Variants in LIFR observed in about 807,000 individuals in gnomAD.
LIFR encodes the protein leukemia inhibitory factor receptor.
Under a neutral mutation model 122.2 loss-of-function variants are expected in LIFR, and 84 were observed. The observed-to-expected ratio is 0.69, with a 90% CI of 0.58 to 0.82. LIFR has a LOEUF of 0.82. LIFR is among the 40% of genes least tolerant of loss of function. LIFR has a pLI of 0.00. For missense variants in LIFR, 1,294 were observed against 1,311.6 expected, an observed-to-expected ratio of 0.99 and a Z score of 0.21; for synonymous variants, 422 against 434.7, an observed-to-expected ratio of 0.97 and a Z score of 0.36.
At chr5:38,494,588 G>C (rs1744780370) in intron 13 of LIFR, among the ~76,000 whole-genome samples, 1 of 152,164 alleles carries the variant, frequency 6.6e-6, no homozygotes. Context: ...TGAAGAATTG[G>C]GGTAGAAGAT....
In LIFR at chr5:38,493,766, T is replaced by G; in HGVS notation, c.1905A>C (p.Gln635His). The change falls in exon 14 of 20, where the codon CAA becomes CAC. Residue 635 changes from glutamine (Q) to histidine (H), a missense_variant. Gln to His is a conservative substitution (Grantham distance 24). Coordinates refer to ENST00000453190, the MANE Select transcript of LIFR (RefSeq NM_001127671.2). ...EIPNDDLKIEQVVGMGKGILL... is the reference protein window; with the variant it reads ...EIPNDDLKIEHVVGMGKGILL... Reference sequence around the variant, plus strand: ...GAATCCCCTTTCCCATCCCAACAACTTGTTCTATTTTGAGATCATCTTCAA... The same window carrying G: ...GAATCCCCTTTCCCATCCCAACAACGTGTTCTATTTTGAGATCATCTTCAA... The G allele has an allele frequency of 6.2e-7, 1 of 1,614,062 alleles. No individual in the cohort carries two copies. Among genetic ancestry groups the G allele is most frequent in the Non-Finnish European group, 8.5e-7 (1 of 1,179,934 alleles).
chr5:38,576,778 C>T (rs868086662), intron 1 of LIFR, among the ~76,000 whole-genome samples: 2 of 152,134 alleles, frequency 1.3e-5, no homozygotes, highest in African/African-American at 2.4e-5. Flanking sequence ...TAATCAAGTA[C>T]GTATTATTTC....
At chr5:38,498,562 C>T (rs1419778055) in intron 12 of LIFR, among the ~76,000 whole-genome samples, 1 of 152,148 alleles carries the variant, frequency 6.6e-6, no homozygotes, top group Non-Finnish European at 1.5e-5. Flanking sequence ...ATAATTTCTA[C>T]CCGAACACAC....
At chr5:38,565,589 T>C (rs1255171380) in intron 1 of LIFR, among the ~76,000 whole-genome samples, 1 of 144,128 alleles carries the variant, frequency 6.9e-6, no homozygotes, top group African/African-American at 2.5e-5. Context: ...ATTGTTGATT[T>C]TTTTTTTTTT....
intron 2 of LIFR, 152 bp from the exon 3 acceptor site, chr5:38,528,992 T>C: frequency 1.6e-6 from 1 of 630,670 alleles, no homozygotes; most frequent in Admixed American, 2.8e-5. Flanking sequence ...TTTTTTTTTT[T>C]TTCAAAGAGA....
At position 38,496,505 on chromosome 5, in the gene LIFR, G is replaced by A. The variant is rs1002035204; in HGVS notation, c.1762C>T (p.Pro588Ser). ...ATCTCTGCTTTGTGCTGAGGATCAG[G>A]GATTTCAGAAAGGGACTGTGTTTCC... is the stretch of plus-strand genomic sequence containing the variant. ...DEETQSLSEI[P>S]DPQHKAEIRL... The change falls in exon 13 of 20, where the codon CCT becomes TCT. Residue 588 changes from proline to serine, a missense_variant. Pro to Ser is a moderately conservative substitution (Grantham distance 74). Coordinates refer to ENST00000453190, the MANE Select transcript of LIFR (RefSeq NM_001127671.2). The A allele has an allele frequency of 1.9e-6, 3 of 1,613,656 alleles. No individual in the cohort carries two copies. The highest frequency in any genetic ancestry group is 1.3e-5 in the African/African-American group (1 of 74,892).
intron 1 of LIFR, among the ~76,000 whole-genome samples, chr5:38,532,367 C>G (rs893223692): frequency 1.3e-5 from 2 of 152,192 alleles, no homozygotes; most frequent in Non-Finnish European, 2.9e-5. Flanking sequence ...CTGCTTCAGC[C>G]TCAACCATTG....
intron 12 of LIFR, among the ~76,000 whole-genome samples, chr5:38,497,330 A>T (rs1744935814): frequency 6.6e-6 from 1 of 152,244 alleles, no homozygotes; most frequent in Admixed American, 6.5e-5. Flanking sequence ...TAAAACACAG[A>T]TTTAAAATCC....
At chr5:38,577,454 A>G (rs1749424686) in intron 1 of LIFR, among the ~76,000 whole-genome samples, 1 of 151,874 alleles carries the variant, frequency 6.6e-6, no homozygotes, top group South Asian at 2.1e-4. Flanking sequence ...CTGCCCCTTC[A>G]CCTTTTCCCA....
chr5:38,512,752 C>T lies in LIFR; in HGVS notation c.562-788G>A, dbSNP rs541134079. Reference sequence around the variant, plus strand: ...GCTCAAAAAGTTTTGAATTTTAAAACATTTTGAGTTTTGGATTTTCAGATT... The same window carrying T: ...GCTCAAAAAGTTTTGAATTTTAAAATATTTTGAGTTTTGGATTTTCAGATT... On this transcript the variant is annotated intron_variant, in intron 5 of 19. Transcript: ENST00000453190. Among the ~76,000 whole-genome samples the T allele has an allele frequency of 2.6e-5, 4 of 152,206 alleles. No homozygotes were observed. The East Asian group carries it at 7.7e-4, about 29-fold the overall frequency.
Position 38,485,869 on chromosome 5 carries a change from TC to T in LIFR, c.2446del (p.Asp816MetfsTer13). ...ACTCTTCTCCGGGCCCACTCCACCATCTGTATAGGCTCGCAAGACCAGGTGG... is the reference window on the plus strand; with the variant it reads ...ACTCTTCTCCGGGCCCACTCCACCATTGTATAGGCTCGCAAGACCAGGTGG... ...SYHLVLRAYT[D>X]GGVGPEKSMY... is the part of the protein sequence containing the mutation. On this transcript the variant is annotated frameshift_variant, in exon 17 of 20. Transcript: ENST00000453190. LOFTEE classifies it high-confidence loss of function. 6.2e-7 allele frequency: 1 copy of T among 1,614,172 alleles called. No homozygotes were observed. Among genetic ancestry groups the T allele is most frequent in the Non-Finnish European group, 8.5e-7 (1 of 1,180,008 alleles).
At chr5:38,586,925 A>T (rs1221554555) in intron 1 of LIFR, among the ~76,000 whole-genome samples, 1 of 152,304 alleles carries the variant, frequency 6.6e-6, no homozygotes. Context: ...AGAATTTAGA[A>T]ATGAAAGAAA....
At chr5:38,500,384 A>C (rs1424986968) in intron 11 of LIFR, among the ~76,000 whole-genome samples, 4 of 152,228 alleles carry the variant, frequency 2.6e-5, no homozygotes, top group Non-Finnish European at 5.9e-5. Flanking sequence ...CTAATTGTAG[A>C]ATATCTGCAT....
intron 1 of LIFR, among the ~76,000 whole-genome samples, chr5:38,562,060 G>C (rs532543632): frequency 1.3e-5 from 2 of 152,286 alleles, no homozygotes; most frequent in East Asian, 3.9e-4. Flanking sequence ...CACCGCAAAT[G>C]TGAAGACAGC....
chr5:38,476,491 T>A lies in LIFR; in HGVS notation c.*5104A>T, dbSNP rs1485429746. 9.6e-6 allele frequency: 2 copies of A among 208,842 alleles called. No individual in the cohort carries two copies. Among genetic ancestry groups the A allele is most frequent in the African/African-American group, 4.6e-5 (2 of 43,884 alleles). The allele number at this position is 208,842 out of a possible 1,614,324, so 12.9% of individuals were successfully genotyped here. A position where few individuals can be genotyped will look rare whatever the true frequency, so the allele number is the denominator to read the frequency against. On this transcript the variant is annotated 3_prime_UTR_variant, in exon 20 of 20. Transcript: ENST00000453190. ...TCACGTGTGCAAAGTATTTTAGTCT[T>A]AAGGGCAACACATAGGATCTATGTT...
intron 1 of LIFR, chr5:38,579,008 C>T (rs1749490076): frequency 6.6e-6 from 1 of 152,208 alleles, no homozygotes; most frequent in Admixed American, 6.5e-5. Context: ...GGTAAAGGTT[C>T]AGATAATTTA....
chr5:38,586,436 T>G (rs1749752954), intron 1 of LIFR, among the ~76,000 whole-genome samples: 1 of 152,238 alleles, frequency 6.6e-6, no homozygotes, highest in Non-Finnish European at 1.5e-5. Context: ...GTCCTCATTA[T>G]GAAAATCCTA....
chr5:38,572,162 G>C (rs1462819071), intron 1 of LIFR, among the ~76,000 whole-genome samples: 2 of 152,028 alleles, frequency 1.3e-5, no homozygotes, highest in African/African-American at 4.8e-5. Context: ...ATAAAGAAAA[G>C]AGGCTTAATT....
intron 5 of LIFR, among the ~76,000 whole-genome samples, chr5:38,512,334 CT>C (rs1745845173): frequency 6.6e-6 from 1 of 151,936 alleles, no homozygotes; most frequent in Non-Finnish European, 1.5e-5. Context: ...AATCTAAAAT[CT>C]GCCTGGACAG....
Sources: gnomAD v4.1 joint callset for allele counts (sites outside exome capture counted in the v4.1 genomes callset) on GRCh38, gnomAD v4.1.1 for gene constraint, MANE v1.5 for transcripts, NCBI Gene and HGNC (gene_info 2026-07-23, HGNC 2026-07-21) for gene names.